SLC25A28: variants seen among roughly 807,000 people sequenced by gnomAD.
SLC25A28 encodes the protein mitoferrin-2.
SLC25A28 carries 10 observed loss-of-function variants against 31.9 expected under a neutral mutation model. That is an observed-to-expected ratio of 0.31 (90% confidence interval 0.19 to 0.53). The LOEUF (loss-of-function observed/expected upper bound fraction) is 0.53, where lower values mean the gene tolerates loss of function less well. Ranked by LOEUF, SLC25A28 falls within the 20% of genes least tolerant of loss-of-function variation. The probability of loss-of-function intolerance (pLI) is 0.95; values close to 1 mark genes in which losing one functional copy is unlikely to be tolerated. For missense variants in SLC25A28, 256 were observed against 490.3 expected (o/e 0.52, Z 4.51); for synonymous variants, 208 against 203.6 (o/e 1.02, Z -0.19).
At chr10:99,645,430 G>C in the SLC25A28 span, among the ~76,000 whole-genome samples, 2 of 152,136 alleles carry the variant, frequency 1.3e-5, no homozygotes, top group African/African-American at 4.8e-5. Flanking sequence ...TCTCTATGCT[G>C]TTTATTCTAG....
chr10:99,626,647 A>G, the SLC25A28 span, among the ~76,000 whole-genome samples: 2 of 152,214 alleles, frequency 1.3e-5, no homozygotes, highest in Non-Finnish European at 2.9e-5. Context: ...GCCTTCAATC[A>G]AGATATAACA....
At chr10:99,619,930 G>T in intron 1 of SLC25A28, 115 bp downstream of exon 1, 1 of 1,106,548 alleles carries the variant, frequency 9.0e-7, no homozygotes, top group South Asian at 1.9e-5. Context: ...GGTAGTGGCA[G>T]GAGCCAGGAA....
chr10:99,652,957 C>T, the SLC25A28 span, among the ~76,000 whole-genome samples: 1 of 151,994 alleles, frequency 6.6e-6, no homozygotes, highest in Non-Finnish European at 1.5e-5. Context: ...TTTGGGGTCC[C>T]GAAGAGGATT....
chr10:99,623,775 C>T (rs2034833129), upstream of SLC25A28, among the ~76,000 whole-genome samples: 1 of 152,068 alleles, frequency 6.6e-6, no homozygotes, highest in Non-Finnish European at 1.5e-5. Context: ...ATGGTGGAGA[C>T]TCTGTCAGCC....
At chr10:99,643,023 T>G in the SLC25A28 span, among the ~76,000 whole-genome samples, 1 of 152,146 alleles carries the variant, frequency 6.6e-6, no homozygotes, top group African/African-American at 2.4e-5. Flanking sequence ...TAGTCTAAAA[T>G]TCTCTTTTTT....
At chr10:99,646,264 C>A in the SLC25A28 span, among the ~76,000 whole-genome samples, 1 of 152,210 alleles carries the variant, frequency 6.6e-6, no homozygotes, top group Non-Finnish European at 1.5e-5. Context: ...CAATGGCGGA[C>A]GCCCCTCCCC....
chr10:99,636,262 A>G, the SLC25A28 span, among the ~76,000 whole-genome samples: 936 of 152,352 alleles, frequency 6.1e-3, 5 homozygotes, highest in Non-Finnish European at 0.01. Context: ...AATTGAAATT[A>G]TATCAATCAC....
intron 1 of SLC25A28, chr10:99,616,600 A>G (rs7909979): frequency 0.87 from 855,423 of 985,182 alleles, 371,914 homozygotes; most frequent in Middle Eastern, 0.9. Context: ...TTCCTTTTAA[A>G]GTTTCTCTGT....
At chr10:99,649,684 C>A in the SLC25A28 span, among the ~76,000 whole-genome samples, 4 of 152,274 alleles carry the variant, frequency 2.6e-5, no homozygotes, top group Non-Finnish European at 5.9e-5. Context: ...CTAGTTGGAT[C>A]TCAGAAGATT....
chr10:99,629,367 A>T, the SLC25A28 span, among the ~76,000 whole-genome samples: 2 of 151,540 alleles, frequency 1.3e-5, no homozygotes, highest in Non-Finnish European at 1.5e-5. Flanking sequence ...GAGCCAAAAA[A>T]CCTCTTTTCT....
the SLC25A28 span, among the ~76,000 whole-genome samples, chr10:99,630,426 G>C: frequency 6.6e-6 from 1 of 152,068 alleles, no homozygotes; most frequent in Non-Finnish European, 1.5e-5. Context: ...GAGCCACCAT[G>C]CCTGGCCCAT....
intron 1 of SLC25A28, among the ~76,000 whole-genome samples, chr10:99,614,885 A>G (rs1244985889): frequency 1.3e-5 from 2 of 152,220 alleles, no homozygotes; most frequent in Admixed American, 1.3e-4. Context: ...AGAAAAATCA[A>G]TGTCTGGTGC....
the SLC25A28 span, among the ~76,000 whole-genome samples, chr10:99,650,335 GC>G: frequency 6.6e-6 from 1 of 152,168 alleles, no homozygotes; most frequent in East Asian, 1.9e-4. Flanking sequence ...ACATCACGAT[GC>G]CCAGCAAATT....
At chr10:99,635,369 A>G in the SLC25A28 span, among the ~76,000 whole-genome samples, 1 of 152,226 alleles carries the variant, frequency 6.6e-6, no homozygotes, top group African/African-American at 2.4e-5. Flanking sequence ...TAAAAGATAC[A>G]GAGCTGCCGA....
intron 1 of SLC25A28, chr10:99,618,164 C>T: frequency 1.5e-6 from 1 of 677,612 alleles, no homozygotes; most frequent in Non-Finnish European, 1.8e-6. Context: ...TAAGGACATG[C>T]ACCCAAATAT....
the SLC25A28 span, among the ~76,000 whole-genome samples, chr10:99,650,858 C>A: frequency 6.6e-6 from 1 of 152,200 alleles, no homozygotes; most frequent in East Asian, 1.9e-4. Flanking sequence ...TGTAGATCCC[C>A]GGTATCTAGA....
chr10:99,616,688 G>A, intron 1 of SLC25A28: 1 of 985,396 alleles, frequency 1.0e-6, no homozygotes, highest in Non-Finnish European at 1.2e-6. Flanking sequence ...GAAATTCTGT[G>A]CCTTGCCTGG....
intron 1 of SLC25A28, among the ~76,000 whole-genome samples, chr10:99,614,176 C>T (rs910478941): frequency 2.6e-5 from 4 of 152,304 alleles, no homozygotes; most frequent in African/African-American, 9.6e-5. Flanking sequence ...GCTAAGTGTC[C>T]TGGTACTCCA....
the SLC25A28 span, among the ~76,000 whole-genome samples, chr10:99,655,333 C>A: frequency 1.4e-4 from 21 of 152,116 alleles, no homozygotes; most frequent in South Asian, 2.1e-4. Context: ...AAGGTAGTTT[C>A]TTTTCTGTTT....
Sources: gnomAD v4.1 joint callset for allele counts (sites outside exome capture counted in the v4.1 genomes callset) on GRCh38, gnomAD v4.1.1 for gene constraint, MANE v1.5 for transcripts, NCBI Gene and HGNC (gene_info 2026-07-23, HGNC 2026-07-21) for gene names.